The following ABCC4 variants were observed in gnomAD, a reference collection of about 807,000 sequenced individuals.
ABCC4 encodes the protein ATP binding cassette subfamily C member 4 (PEL blood group), also known as ATP-binding cassette sub-family C member 4.
In ABCC4, 102 loss-of-function variants were observed where a neutral mutation model predicts 168.5. The observed-to-expected ratio is 0.61, with a 90% CI of 0.52 to 0.71. ABCC4 has a LOEUF of 0.71. ABCC4 is among the 30% of genes least tolerant of loss of function. The probability of loss-of-function intolerance (pLI) is 0.00; values close to 1 mark genes in which losing one functional copy is unlikely to be tolerated. For synonymous variants in ABCC4, 617 were observed against 590.7 expected, an observed-to-expected ratio of 1.04 and a Z score of -0.65; for missense variants, 1,402 against 1,605.8, an observed-to-expected ratio of 0.87 and a Z score of 2.17.
rs1179571144 is a variant in ABCC4 at position 95,062,581 on chromosome 13, T to C, written c.3366+123A>G. On this transcript the variant is annotated intron_variant, in intron 26 of 30. Transcript: ENST00000645237. ...TTGAAAATATCTGCTCATAAAAACATGCTCTATTGGGTGAAAAAAAAAACA... is the reference window on the plus strand; with the variant it reads ...TTGAAAATATCTGCTCATAAAAACACGCTCTATTGGGTGAAAAAAAAAACA... The C allele has an allele frequency of 5.9e-6, 5 of 842,634 alleles. No individual in the cohort carries two copies. The Middle Eastern group carries it at 1.1e-3, about 186-fold the overall frequency. The allele number at this position is 842,634 out of a possible 1,614,324, so 52.2% of individuals were successfully genotyped here. A position where few individuals can be genotyped will look rare whatever the true frequency, so the allele number is the denominator to read the frequency against.
At chr13:95,123,087 G>A (rs1325630487) in intron 19 of ABCC4, among the ~76,000 whole-genome samples, 1 of 152,070 alleles carries the variant, frequency 6.6e-6, no homozygotes, top group African/African-American at 2.4e-5. Flanking sequence ...TTCCCCAACT[G>A]GAAGATGCTA....
chr13:95,043,508 A>G (rs1161917672), intron 29 of ABCC4, 174 bp downstream of exon 29: 4 of 520,278 alleles, frequency 7.7e-6, no homozygotes, highest in Non-Finnish European at 1.4e-5. Flanking sequence ...CATTGGATAT[A>G]TTGTTAGTAG....
intron 1 of ABCC4, among the ~76,000 whole-genome samples, chr13:95,295,751 T>G (rs1208242413): frequency 1.4e-4 from 22 of 151,838 alleles, no homozygotes; most frequent in Admixed American, 1.4e-3. Flanking sequence ...GATCACAAGG[T>G]CAGGAGTTCA....
At chr13:95,141,284 A>C (rs2036308787) in intron 19 of ABCC4, among the ~76,000 whole-genome samples, 2 of 152,230 alleles carry the variant, frequency 1.3e-5, no homozygotes, top group Non-Finnish European at 2.9e-5. Context: ...ATGTAATCAA[A>C]ACGTTAAATG....
chr13:95,062,063 A>C (rs1047393237), intron 26 of ABCC4, among the ~76,000 whole-genome samples: 3 of 152,194 alleles, frequency 2.0e-5, no homozygotes, highest in Admixed American at 2.0e-4. Flanking sequence ...GCAAACACTC[A>C]CTGGGTCTGT....
intron 4 of ABCC4, among the ~76,000 whole-genome samples, chr13:95,225,935 T>C (rs190470902): frequency 2.5e-4 from 32 of 126,550 alleles, no homozygotes; most frequent in Admixed American, 4.4e-4. Context: ...AGGAAGATCA[T>C]CCTGGGCAAC....
chr13:95,288,621 C>A (rs765498309), intron 1 of ABCC4, among the ~76,000 whole-genome samples: 1 of 152,110 alleles, frequency 6.6e-6, no homozygotes, highest in Non-Finnish European at 1.5e-5. Context: ...GCCTGGCCAA[C>A]ATGGCAAAGT....
intron 29 of ABCC4, among the ~76,000 whole-genome samples, chr13:95,042,080 G>A (rs1489746053): frequency 6.6e-6 from 1 of 152,170 alleles, no homozygotes; most frequent in Non-Finnish European, 1.5e-5. Context: ...CATAGATGGA[G>A]ACACTAATGG....
At chr13:95,051,209 T>C (rs1237708304) in intron 27 of ABCC4, among the ~76,000 whole-genome samples, 1 of 152,120 alleles carries the variant, frequency 6.6e-6, no homozygotes, top group Non-Finnish European at 1.5e-5. Context: ...GCAGGGTGGG[T>C]GTGTAAGGAC....
intron 18 of ABCC4, 83 bp downstream of exon 18, chr13:95,163,033 GAATGAC>G (rs2037148783): frequency 1.2e-6 from 1 of 841,170 alleles, no homozygotes; most frequent in Admixed American, 1.9e-5. Flanking sequence ...AGACATTACT[GAATGAC>G]TCCTGGAAGC....
At chr13:95,039,765 T>A (rs1342059359) in intron 29 of ABCC4, among the ~76,000 whole-genome samples, 2 of 152,156 alleles carry the variant, frequency 1.3e-5, no homozygotes, top group African/African-American at 4.8e-5. Context: ...GCAAAACAAT[T>A]TAATCCATTT....
intron 1 of ABCC4, among the ~76,000 whole-genome samples, chr13:95,296,689 G>C (rs2041544207): frequency 6.6e-6 from 1 of 152,148 alleles, no homozygotes; most frequent in East Asian, 1.9e-4. Flanking sequence ...GCTGACCCCA[G>C]ATCACCTCTG....
chr13:95,076,985 G>A (rs2033928406), intron 21 of ABCC4, among the ~76,000 whole-genome samples: 2 of 152,140 alleles, frequency 1.3e-5, no homozygotes. Flanking sequence ...CCAAAGTGCT[G>A]GGATTACAGG....
At chr13:95,145,585 C>G (rs1246103567) in intron 19 of ABCC4, among the ~76,000 whole-genome samples, 2 of 147,318 alleles carry the variant, frequency 1.4e-5, no homozygotes, top group Non-Finnish European at 3.0e-5. Context: ...GATCTTGCCA[C>G]TGCACTGGAC....
intron 19 of ABCC4, among the ~76,000 whole-genome samples, chr13:95,157,929 G>A (rs547312785): frequency 1.6e-4 from 24 of 151,978 alleles, no homozygotes; most frequent in Non-Finnish European, 2.9e-4. Flanking sequence ...AAAATTAGCC[G>A]GGCGTGGTGG....
chr13:95,062,741 A>G lies in ABCC4; in HGVS notation c.3329T>C (p.Leu1110Pro). Residue 1110 changes from leucine (L) to proline (P), a missense_variant, in exon 26 of 31, where the codon CTT (leucine) becomes CCT (proline). Around this residue, in one of 3 missense-constraint regions of ABCC4, gnomAD observed 1,007 missense variants for 1,127.3 expected, o/e 0.89. Coordinates refer to ENST00000645237, the MANE Select transcript of ABCC4 (RefSeq NM_005845.5). ...TGACATCTTCTTCCTTAAATCGTGA[A>G]GTCCAATTTCAGTTGTCAAGATCTT... ...IDKILTTEIG[L>P]HDLRKKMSII... is the part of the protein sequence containing the mutation. The G allele has an allele frequency of 1.2e-6, 2 of 1,614,034 alleles. No individual in the cohort carries two copies. Among genetic ancestry groups the G allele is most frequent in the Non-Finnish European group, 1.7e-6 (2 of 1,179,964 alleles).
intron 8 of ABCC4, among the ~76,000 whole-genome samples, chr13:95,197,209 A>T (rs1397847719): frequency 6.6e-6 from 1 of 152,204 alleles, no homozygotes; most frequent in East Asian, 1.9e-4. Flanking sequence ...ACAGTCATAA[A>T]CAGACTGTAT....
At chr13:95,257,680 AAAAG>A (rs367982918) in intron 1 of ABCC4, among the ~76,000 whole-genome samples, 139 of 152,102 alleles carry the variant, frequency 9.1e-4, no homozygotes, top group African/African-American at 3.2e-3. Context: ...AAAAGAAAGA[AAAAG>A]AAAAAAAAAG....
Position 95,246,986 on chromosome 13 carries a change from T to G in ABCC4, c.295A>C (p.Thr99Pro). 2 of 1,612,302 alleles carry G rather than the reference T, an allele frequency of 1.2e-6. No homozygotes were observed. Among genetic ancestry groups the G allele is most frequent in the Non-Finnish European group, 1.7e-6 (2 of 1,179,186 alleles). The change falls in exon 3 of 31, where the codon ACG becomes CCG. Residue 99 changes from threonine (T) to proline (P), a missense_variant. By Grantham distance (38) the Thr-to-Pro change is conservative (BLOSUM62 -1). Transcript: ENST00000645237. ...WKSYLVLGIFTLIEESAKVIQ... is the reference protein window; with the variant it reads ...WKSYLVLGIFPLIEESAKVIQ... Reference sequence around the variant, plus strand: ...GTAAAAGCTTTTACCTCAATTAACGTAAAAATTCCCAAAACTAAATAAGAT... The same window carrying G: ...GTAAAAGCTTTTACCTCAATTAACGGAAAAATTCCCAAAACTAAATAAGAT...
Sources: gnomAD v4.1 joint callset for allele counts (sites outside exome capture counted in the v4.1 genomes callset) on GRCh38, gnomAD v4.1.1 for gene constraint, gnomAD v4.1.1 regional missense constraint, MANE v1.5 for transcripts, NCBI Gene and HGNC (gene_info 2026-07-23, HGNC 2026-07-21) for gene names.